Variants in IKBKB observed in about 807,000 individuals in gnomAD.
IKBKB encodes inhibitor of nuclear factor kappa B kinase subunit beta.
In IKBKB, 42 loss-of-function variants were observed where a neutral mutation model predicts 113.6. That is an observed-to-expected ratio of 0.37 (90% confidence interval 0.29 to 0.48). The LOEUF (loss-of-function observed/expected upper bound fraction) is 0.48, where lower values mean the gene tolerates loss of function less well. Ranked by LOEUF, IKBKB falls within the 20% of genes least tolerant of loss-of-function variation. The pLI is 0.99. For missense variants in IKBKB, 673 were observed against 939.7 expected (o/e 0.72, Z 3.71); for synonymous variants, 296 against 361.3 (o/e 0.82, Z 2.05).
At chr8:42,289,663 G>T (rs991631181) in intron 3 of IKBKB, among the ~76,000 whole-genome samples, 1 of 152,214 alleles carries the variant, frequency 6.6e-6, no homozygotes, top group Non-Finnish European at 1.5e-5. Context: ...TTATGTCATG[G>T]TTCCATTTGG....
chr8:42,295,170 GT>G (rs11332157), intron 5 of IKBKB, among the ~76,000 whole-genome samples: 140,054 of 143,728 alleles, frequency 0.97, 68,270 homozygotes, highest in East Asian at 1. Flanking sequence ...CCAGGCTGGT[GT>G]TGCAGTAGGC....
intron 9 of IKBKB, among the ~76,000 whole-genome samples, chr8:42,315,555 G>A (rs931707199): frequency 1.4e-4 from 22 of 152,142 alleles, no homozygotes; most frequent in African/African-American, 2.7e-4. Context: ...CATGTGAACC[G>A]CTATATCTGG....
intron 5 of IKBKB, among the ~76,000 whole-genome samples, chr8:42,296,451 G>A (rs1169583169): frequency 1.3e-5 from 2 of 152,168 alleles, no homozygotes; most frequent in South Asian, 2.1e-4. Flanking sequence ...CCAACATGGT[G>A]AAACCCCGTC....
intron 3 of IKBKB, among the ~76,000 whole-genome samples, chr8:42,289,672 G>A (rs2130303723): frequency 6.6e-6 from 1 of 152,268 alleles, no homozygotes; most frequent in Non-Finnish European, 1.5e-5. Context: ...GGTTCCATTT[G>A]GTTACATGAG....
rs183164648 is a variant in IKBKB at position 42,327,507 on chromosome 8, G to A, written c.2114+1410G>A. Among the ~76,000 whole-genome samples the A allele has an allele frequency of 3.2e-4, 49 of 151,518 alleles. No individual in the cohort carries two copies. In the East Asian group the frequency reaches 9.3e-3, roughly 29 times the overall value. ...TGCCACCACAACCGGCTGATTTTTT[G>A]TAGTTTTAGTAGAGATGGGGTTTCA... is the stretch of plus-strand genomic sequence containing the variant. On this transcript the variant is annotated intron_variant, in intron 20 of 21. Transcript: ENST00000520810.
chr8:42,296,661 A>G (rs1708686068), intron 5 of IKBKB, among the ~76,000 whole-genome samples: 1 of 152,160 alleles, frequency 6.6e-6, no homozygotes. Flanking sequence ...AAAAAAAAAA[A>G]AAATTGTCAA....
chr8:42,308,873 T>A, intron 7 of IKBKB, 28 bp from the exon 8 acceptor site: 6 of 1,611,676 alleles, frequency 3.7e-6, no homozygotes, highest in Non-Finnish European at 5.1e-6. Flanking sequence ...GAGGAGCAGC[T>A]CAGGTGTACC....
At chr8:42,292,681 C>T (rs748688657) in intron 4 of IKBKB, among the ~76,000 whole-genome samples, 3 of 152,152 alleles carry the variant, frequency 2.0e-5, no homozygotes, top group African/African-American at 7.2e-5. Flanking sequence ...CTCCTCTCTC[C>T]GCCCTCCTCG....
At position 42,326,055 on chromosome 8, in the gene IKBKB, C is replaced by A; in HGVS notation, c.2072C>A (p.Pro691His). 6.2e-7 allele frequency: 1 copy of A among 1,614,200 alleles called. No homozygotes were observed. The highest frequency in any genetic ancestry group is 8.5e-7 in the Non-Finnish European group (1 of 1,180,024). Residue 691 changes from proline (P) to histidine (H), a missense_variant, in exon 20 of 22, where the codon CCC becomes CAC. By Grantham distance (77) the Pro-to-His change is moderately conservative. This residue lies in a region of IKBKB where 506 missense variants were observed against 638.7 expected (regional missense o/e 0.79). Transcript: ENST00000520810. ...LSQPGQLMSQ[P>H]STASNSLPEP... ...CAGCCTGGGCAGCTGATGTCTCAGC[C>A]CTCCACGGCCTCCAACAGCTTACCT...
At chr8:42,330,386 A>G (rs1034874830) in intron 21 of IKBKB, 3 of 874,162 alleles carry the variant, frequency 3.4e-6, no homozygotes, top group East Asian at 1.2e-4. Flanking sequence ...GGGTCTTGCT[A>G]TGTTGCCCAG....
Position 42,317,126 on chromosome 8 carries a change from CG to C in IKBKB, c.1125+224del, listed in dbSNP as rs1402208875. 5.0e-6 allele frequency: 3 copies of C among 603,642 alleles called. No homozygotes were observed. In the African/African-American group the frequency reaches 5.5e-5, roughly 11 times the overall value. 37.4% of individuals were successfully genotyped at this position (603,642 alleles called of 1,614,324 possible). On this transcript the variant is annotated intron_variant, in intron 11 of 21. Transcript: ENST00000520810. ...TTGTTACTTCCAAACCCTCCAAGAC[CG>C]GTCTCTTGCCTTTATTGCAAAAAAT... is the stretch of plus-strand genomic sequence containing the variant.
chr8:42,305,153 A>G (rs1816250503), intron 5 of IKBKB, 34 bp from the exon 6 acceptor site: 3 of 1,418,736 alleles, frequency 2.1e-6, no homozygotes, highest in Non-Finnish European at 1.0e-6. Flanking sequence ...AGCATTTTTT[A>G]GGCCTAAGAA....
intron 20 of IKBKB, among the ~76,000 whole-genome samples, chr8:42,327,374 C>T (rs1820964271): frequency 7.6e-6 from 1 of 131,828 alleles, no homozygotes; most frequent in South Asian, 2.4e-4. Flanking sequence ...TGCTCTGTTG[C>T]CCAGGCTGGA....
rs148489742 is a variant in IKBKB, at chr8:42,305,443, T to C, written c.477+168T>C. 3.3e-4 allele frequency among the ~76,000 whole-genome samples: 50 copies of C among 152,342 alleles called. No homozygotes were observed. In the East Asian group the frequency reaches 9.6e-3, roughly 29 times the overall value. ...GAAACAAAATTGAGCAAAAAAGTTG[T>C]TGCAGATTGAGGCAAGTTTAAATGG... On this transcript the variant is annotated intron_variant, in intron 6 of 21. Transcript: ENST00000520810.
At position 42,331,045 on chromosome 8, in the gene IKBKB, G is replaced by A. The variant is rs967492046; in HGVS notation, c.*66G>A. 18 of 1,593,272 alleles carry A rather than the reference G, an allele frequency of 1.1e-5. 1 individual carries two copies. The highest frequency in any genetic ancestry group is 5.4e-5 in the African/African-American group (4 of 74,556). On this transcript the variant is annotated 3_prime_UTR_variant, in exon 22 of 22. Transcript: ENST00000520810. ...CAGGCCTTGTGCAGTGGGGGGACTC[G>A]ACCCCCTGACATGGGGCTGCCTGGA...
rs111695028 is a variant in IKBKB at position 42,320,904 on chromosome 8, G to GGT, written c.1688+69_1688+70dup. ...CACACACAGACAGCCCTGGAGCTTC[G>GGT]GTGTGTGTGTCAAGGGCACCCTCAG... is the stretch of plus-strand genomic sequence containing the variant. On this transcript the variant is annotated intron_variant, in intron 16 of 21. Transcript: ENST00000520810. 12 of 1,112,350 alleles carry GGT rather than the reference G, an allele frequency of 1.1e-5. 1 individual carries two copies. The highest frequency in any genetic ancestry group is 6.4e-5 in the African/African-American group (4 of 62,864). 68.9% of individuals were successfully genotyped at this position (1,112,350 alleles called of 1,614,324 possible).
chr8:42,279,601 C>G (rs1809916837), intron 2 of IKBKB, among the ~76,000 whole-genome samples: 1 of 152,120 alleles, frequency 6.6e-6, no homozygotes, highest in South Asian at 2.1e-4. Flanking sequence ...GTCTTTGTTC[C>G]CATTTTATAG....
At position 42,329,108 on chromosome 8, in the gene IKBKB, T is replaced by C. The variant is rs200342778; in HGVS notation, c.2115-16T>C. 43 of 1,597,892 alleles carry C rather than the reference T, an allele frequency of 2.7e-5. No individual in the cohort carries two copies. The African/African-American group carries it at 5.2e-4, about 20-fold the overall frequency. ...TAATAATGACCACTTTCTAATAATT[T>C]GATCATTTTCTTTAGTGAAGAACTG... is the stretch of plus-strand genomic sequence containing the variant. On this transcript the variant is annotated splice_polypyrimidine_tract_variant and intron_variant, in intron 20 of 21. Coordinates refer to ENST00000520810, the MANE Select transcript of IKBKB (RefSeq NM_001556.3).
chr8:42,272,030 C>G, intron 1 of IKBKB, 53 bp from the exon 2 acceptor site: 1 of 1,553,762 alleles, frequency 6.4e-7, no homozygotes, highest in South Asian at 1.2e-5. Flanking sequence ...TCCCTTTGAG[C>G]TCCATTTTTT....
Sources: gnomAD v4.1 joint callset for allele counts (sites outside exome capture counted in the v4.1 genomes callset) on GRCh38, gnomAD v4.1.1 for gene constraint, gnomAD v4.1.1 regional missense constraint, MANE v1.5 for transcripts, NCBI Gene and HGNC (gene_info 2026-07-23, HGNC 2026-07-21) for gene names.